EPS15L1: variants seen among roughly 807,000 people sequenced by gnomAD.
EPS15L1 encodes the protein epidermal growth factor receptor substrate 15-like 1.
Under a neutral mutation model 117.1 loss-of-function variants are expected in EPS15L1, and 43 were observed. That is an observed-to-expected ratio of 0.37 (90% CI 0.29 to 0.47). The LOEUF is 0.47. Among genes scored for constraint, EPS15L1 ranks in the 20% least tolerant of loss-of-function variants. The probability of loss-of-function intolerance (pLI) is 0.99; values close to 1 mark genes in which losing one functional copy is unlikely to be tolerated. For missense variants in EPS15L1, 981 were observed against 1,164.0 expected, an observed-to-expected ratio of 0.84 and a Z score of 2.29; for synonymous variants, 459 against 470.5, an observed-to-expected ratio of 0.98 and a Z score of 0.32.
intron 1 of EPS15L1, among the ~76,000 whole-genome samples, chr19:16,466,895 C>T (rs2093309715): frequency 6.8e-6 from 1 of 147,914 alleles, no homozygotes; most frequent in South Asian, 2.1e-4. Context: ...AAGAGTGAAA[C>T]TCTGTCTCAA....
rs551069067 is a variant in EPS15L1 at position 16,434,605 on chromosome 19, C to T, written c.373-115G>A. 1.8e-5 allele frequency: 20 copies of T among 1,098,742 alleles called. No homozygotes were observed. The South Asian group carries it at 3.0e-4, about 16-fold the overall frequency. The allele number at this position is 1,098,742 out of a possible 1,614,324, so 68.1% of individuals were successfully genotyped here. ...GCCACGGACCCATCATCACCCTTGGCTAAAAGCACAAAATGATCTTAGAAC... is the reference window on the plus strand; with the variant it reads ...GCCACGGACCCATCATCACCCTTGGTTAAAAGCACAAAATGATCTTAGAAC... On this transcript the variant is annotated intron_variant, in intron 6 of 23. Transcript: ENST00000455140.
At position 16,425,093 on chromosome 19, in the gene EPS15L1, T is replaced by C. The variant is rs1238072807; in HGVS notation, c.782A>G (p.Lys261Arg). The C allele has an allele frequency of 6.2e-7, 1 of 1,614,048 alleles. No homozygotes were observed. Among genetic ancestry groups the C allele is most frequent in the Admixed American group, 1.7e-5 (1 of 60,036 alleles). Residue 261 changes from lysine (K) to arginine (R), a missense_variant, in exon 9 of 24, where the codon AAG (lysine) becomes AGG (arginine). Lys to Arg is a conservative substitution (Grantham distance 26, BLOSUM62 2). This residue lies in a region of EPS15L1 where 819 missense variants were observed against 949.0 expected (regional missense o/e 0.86). Coordinates refer to ENST00000455140, the MANE Select transcript of EPS15L1 (RefSeq NM_001258374.3). Reference sequence around the variant, plus strand: ...CTGAGGGCTCCGTACCTGTGTTTGCTTGAGGCTGTGCTTGGGGGACAGGCT... The same window carrying C: ...CTGAGGGCTCCGTACCTGTGTTTGCCTGAGGCTGTGCTTGGGGGACAGGCT... ...TGSLSPKHSLKQTQPTVNWVV... is the reference protein window; with the variant it reads ...TGSLSPKHSLRQTQPTVNWVV...
intron 21 of EPS15L1, among the ~76,000 whole-genome samples, chr19:16,380,696 G>A (rs976082002): frequency 5.3e-5 from 8 of 152,190 alleles, no homozygotes; most frequent in Admixed American, 1.3e-4. Context: ...CGATGCGGTC[G>A]TCTGAGGCTC....
rs750225620 is a variant in EPS15L1 at position 16,395,300 on chromosome 19, A to AAC, written c.1915+42_1915+43dup. The AAC allele has an allele frequency of 1.3e-5, 21 of 1,588,998 alleles. No homozygotes were observed. In the South Asian group the frequency reaches 1.6e-4, roughly 12 times the overall value. The stretch of plus-strand genomic sequence containing the variant: ...AAGAACCACTCTAAATTCGACATAA[A>AAC]ACACACAGTCTTTCAATGAGAAAGT... On this transcript the variant is annotated intron_variant, in intron 17 of 23. Coordinates refer to ENST00000455140, the MANE Select transcript of EPS15L1 (RefSeq NM_001258374.3).
chr19:16,358,661 C>A (rs1047289397), intron 23 of EPS15L1, among the ~76,000 whole-genome samples: 1 of 152,234 alleles, frequency 6.6e-6, no homozygotes, highest in East Asian at 1.9e-4. Context: ...CAGCTCGGCA[C>A]GCTGGGCGAT....
intron 23 of EPS15L1, chr19:16,357,927 A>G (rs1399389044): frequency 6.6e-6 from 1 of 152,312 alleles, no homozygotes; most frequent in African/African-American, 2.4e-5. Flanking sequence ...AAAAACCAAC[A>G]AGTGCAGGTG....
intron 1 of EPS15L1, among the ~76,000 whole-genome samples, chr19:16,460,763 A>G (rs771127000): frequency 2.6e-5 from 4 of 152,216 alleles, no homozygotes; most frequent in Non-Finnish European, 5.9e-5. Context: ...TTGCAAGAAC[A>G]TGCGCCTAGG....
intron 9 of EPS15L1, among the ~76,000 whole-genome samples, chr19:16,422,339 G>A (rs1418375175): frequency 3.3e-5 from 5 of 152,134 alleles, no homozygotes; most frequent in Non-Finnish European, 7.3e-5. Flanking sequence ...GCATTACCGC[G>A]GGCCTTCAAT....
intron 21 of EPS15L1, 62 bp downstream of exon 21, chr19:16,385,067 C>A: frequency 7.6e-7 from 1 of 1,320,592 alleles, no homozygotes; most frequent in Non-Finnish European, 1.1e-6. Context: ...TGGCAGCCCA[C>A]ACCATGACAA....
intron 1 of EPS15L1, among the ~76,000 whole-genome samples, chr19:16,448,538 T>TA (rs200660167): frequency 2.3e-4 from 24 of 104,482 alleles, no homozygotes; most frequent in Non-Finnish European, 3.1e-4. Context: ...AATTCCGTAT[T>TA]AAAAAAAAAG....
At chr19:16,463,481 C>T (rs1263974140) in intron 1 of EPS15L1, among the ~76,000 whole-genome samples, 1 of 152,198 alleles carries the variant, frequency 6.6e-6, no homozygotes, top group Admixed American at 6.5e-5. Context: ...GGAGCTAGAA[C>T]CCAGCTCCAA....
intron 22 of EPS15L1, among the ~76,000 whole-genome samples, chr19:16,369,121 C>A (rs1294853858): frequency 6.6e-6 from 1 of 152,168 alleles, no homozygotes; most frequent in Non-Finnish European, 1.5e-5. Context: ...TGGCTCCCAT[C>A]TAAGACACAT....
chr19:16,455,475 T>A (rs189414080), intron 1 of EPS15L1, among the ~76,000 whole-genome samples: 1 of 152,364 alleles, frequency 6.6e-6, no homozygotes, highest in Admixed American at 6.5e-5. Context: ...GCAGGCTTCC[T>A]GCCTCGATGC....
intron 9 of EPS15L1, among the ~76,000 whole-genome samples, chr19:16,423,255 TCAAA>T (rs1319671077): frequency 6.6e-6 from 1 of 152,030 alleles, no homozygotes; most frequent in Non-Finnish European, 1.5e-5. Flanking sequence ...AAGGACTTGA[TCAAA>T]CAATTTATCA....
chr19:16,461,102 G>C (rs1015186359), intron 1 of EPS15L1, among the ~76,000 whole-genome samples: 5 of 151,072 alleles, frequency 3.3e-5, no homozygotes, highest in Non-Finnish European at 7.4e-5. Context: ...TCAGGAGATC[G>C]AGACCATCCT....
rs768952454 is a variant in EPS15L1 at position 16,382,000 on chromosome 19, C to T, written c.2247+3129G>A. Among the ~76,000 whole-genome samples, 10 of 152,260 alleles carry T rather than the reference C, an allele frequency of 6.6e-5. No individual in the cohort carries two copies. Among genetic ancestry groups the T allele is most frequent in the Non-Finnish European group, 1.5e-4 (10 of 68,024 alleles). Reference sequence around the variant, plus strand: ...CAGTGAGCCTTTCTACCCTCTGTGTCGCGCAATAGGACCCGGGCAATAAAA... The same window carrying T: ...CAGTGAGCCTTTCTACCCTCTGTGTTGCGCAATAGGACCCGGGCAATAAAA... On this transcript the variant is annotated intron_variant, in intron 21 of 23. Coordinates refer to ENST00000455140, the MANE Select transcript of EPS15L1 (RefSeq NM_001258374.3). This position sits in a 1 kb window ranked among gnomAD's most constrained non-coding sequence, Gnocchi z 4.2.
chr19:16,453,001 C>T (rs889373398), intron 1 of EPS15L1, among the ~76,000 whole-genome samples: 17 of 151,652 alleles, frequency 1.1e-4, no homozygotes, highest in Admixed American at 6.6e-4. Flanking sequence ...GGGGTTTCAC[C>T]GTGTTAGTCA....
chr19:16,456,681 A>G (rs1011451387), intron 1 of EPS15L1, among the ~76,000 whole-genome samples: 1 of 150,520 alleles, frequency 6.6e-6, no homozygotes, highest in Admixed American at 6.6e-5. Context: ...AAAACAAAAC[A>G]AACAAAAAAT....
chr19:16,407,412 TCTCGTGC>T (rs2092667089), intron 13 of EPS15L1, among the ~76,000 whole-genome samples: 1 of 152,228 alleles, frequency 6.6e-6, no homozygotes. Context: ...TTCAAGGGAT[TCTCGTGC>T]CTCAGTCTCC....
Sources: allele counts gnomAD v4.1 joint callset (sites outside exome capture counted in the v4.1 genomes callset), GRCh38; gene constraint gnomAD v4.1.1; regional missense constraint gnomAD v4.1.1; non-coding constraint Gnocchi (gnomAD v3.1); transcripts MANE v1.5; gene names NCBI Gene and HGNC (gene_info 2026-07-23, HGNC 2026-07-21).